Variants in B4GALT6 observed in about 807,000 individuals in gnomAD.
The protein encoded by B4GALT6 is beta-1,4-galactosyltransferase 6, also known as UDP-Gal:beta-GlcNAc beta-1,4-galactosyltransferase 6.
In B4GALT6, 14 loss-of-function variants were observed where a neutral mutation model predicts 46.3. That is an observed-to-expected ratio of 0.30 (90% confidence interval 0.20 to 0.47). B4GALT6 has a LOEUF of 0.47. Among genes scored for constraint, B4GALT6 ranks in the 20% least tolerant of loss-of-function variants. The pLI is 0.99. For missense variants in B4GALT6, 386 were observed against 480.1 expected (o/e 0.80, Z 1.83); for synonymous variants, 168 against 162.0 (o/e 1.04, Z -0.28).
At chr18:31,648,575 A>G (rs922271629) in intron 3 of B4GALT6, among the ~76,000 whole-genome samples, 1 of 152,312 alleles carries the variant, frequency 6.6e-6, no homozygotes, top group Admixed American at 6.5e-5. Flanking sequence ...TATGTAGGAC[A>G]TTTACTATAT....
At chr18:31,650,808 A>C (rs141947420) in intron 3 of B4GALT6, among the ~76,000 whole-genome samples, 1 of 152,000 alleles carries the variant, frequency 6.6e-6, no homozygotes, top group Non-Finnish European at 1.5e-5. Context: ...TCGCTCTGTC[A>C]CCCAGGCTGG....
the B4GALT6 span, among the ~76,000 whole-genome samples, chr18:31,704,107 A>T: frequency 6.6e-6 from 1 of 151,468 alleles, no homozygotes; most frequent in Non-Finnish European, 1.5e-5. Context: ...TCAAGTACAT[A>T]TAATAATAAT....
chr18:31,714,295 A>G, the B4GALT6 span, among the ~76,000 whole-genome samples: 130 of 152,316 alleles, frequency 8.5e-4, no homozygotes, highest in African/African-American at 2.4e-3. Context: ...TGGAGCAACA[A>G]AAAAATCAGA....
Position 31,631,213 on chromosome 18 carries a change from T to TTC in B4GALT6, c.589-68_589-67insGA, listed in dbSNP as rs1024141341. The TTC allele has an allele frequency of 2.4e-5, 35 of 1,466,548 alleles. No homozygotes were observed. In the African/African-American group the frequency reaches 4.3e-4, roughly 18 times the overall value. The allele number at this position is 1,466,548 out of a possible 1,614,324, so 90.8% of individuals were successfully genotyped here. A position where few individuals can be genotyped will look rare whatever the true frequency, so the allele number is the denominator to read the frequency against. On this transcript the variant is annotated intron_variant, in intron 5 of 8. Transcript: ENST00000306851. ...ACACTTCATCATCTTTTTTTTTTTT[T>TTC]TTCTTTTTTTTGGTATTTTTAGTAG...
At chr18:31,685,331 A>G (rs2074534379), upstream of B4GALT6, among the ~76,000 whole-genome samples, 1 of 151,484 alleles carries the variant, frequency 6.6e-6, no homozygotes, top group Admixed American at 6.6e-5. Context: ...CCGGAAGAGC[A>G]GAGGCCGAGC....
At chr18:31,688,579 C>T (rs145950397), upstream of B4GALT6, among the ~76,000 whole-genome samples, 371 of 152,252 alleles carry the variant, frequency 2.4e-3, 1 homozygote, top group African/African-American at 8.5e-3. Context: ...ACCCAAATTT[C>T]TTACTAATCT....
At chr18:31,706,828 A>G in the B4GALT6 span, among the ~76,000 whole-genome samples, 1 of 152,234 alleles carries the variant, frequency 6.6e-6, no homozygotes, top group Admixed American at 6.5e-5. Flanking sequence ...TAGCAGTGTC[A>G]TAAAGATAAT....
At chr18:31,714,292 A>T in the B4GALT6 span, among the ~76,000 whole-genome samples, 1 of 152,232 alleles carries the variant, frequency 6.6e-6, no homozygotes, top group Non-Finnish European at 1.5e-5. Context: ...AACTGGAGCA[A>T]CAAAAAAATC....
At chr18:31,648,451 C>T (rs577313331) in intron 3 of B4GALT6, among the ~76,000 whole-genome samples, 26 of 152,124 alleles carry the variant, frequency 1.7e-4, no homozygotes, top group Non-Finnish European at 3.1e-4. Flanking sequence ...CTGCCAAGTA[C>T]CTAGAAGGTC....
chr18:31,692,274 T>C, the B4GALT6 span, among the ~76,000 whole-genome samples: 2 of 152,192 alleles, frequency 1.3e-5, no homozygotes, highest in East Asian at 3.9e-4. Flanking sequence ...ATTTAAGAGA[T>C]GCTGGCAAAC....
the B4GALT6 span, among the ~76,000 whole-genome samples, chr18:31,699,690 G>A: frequency 6.8e-6 from 1 of 147,766 alleles, no homozygotes; most frequent in Non-Finnish European, 1.5e-5. Context: ...CTCTCAAAGT[G>A]CTAAAGGAAG....
In B4GALT6 at chr18:31,658,100, G is replaced by T; in HGVS notation, c.233-11C>A. ...TGCCTTCGGGATAATCTTGGAAAGA[G>T]AGAAAAGAGTTACAAAAAAAAAAAA... On this transcript the variant is annotated splice_polypyrimidine_tract_variant and intron_variant, in intron 2 of 8. Transcript: ENST00000306851. The T allele has an allele frequency of 1.3e-6, 2 of 1,487,126 alleles. No homozygotes were observed. The highest frequency in any genetic ancestry group is 1.8e-6 in the Non-Finnish European group (2 of 1,107,238). The allele number at this position is 1,487,126 out of a possible 1,614,324, so 92.1% of individuals were successfully genotyped here. A position where few individuals can be genotyped will look rare whatever the true frequency, so the allele number is the denominator to read the frequency against.
rs1343698423 is a variant in B4GALT6, at chr18:31,629,447, A to T, written c.776+1512T>A. On this transcript the variant is annotated intron_variant, in intron 6 of 8. Transcript: ENST00000306851. ...ATTCTTAGTTTATATGCCCTTTATG[A>T]TTTTTTTTTTTTTTTTTTTTTTTTT... is the stretch of plus-strand genomic sequence containing the variant. 1.8e-3 allele frequency among the ~76,000 whole-genome samples: 60 copies of T among 32,876 alleles called. 1 individual carries two copies. In the South Asian group the frequency reaches 0.058, roughly 32 times the overall value. 21.6% of individuals were successfully genotyped at this position (32,876 alleles called of 152,430 possible).
the B4GALT6 span, among the ~76,000 whole-genome samples, chr18:31,715,200 G>C: frequency 6.6e-6 from 1 of 151,974 alleles, no homozygotes; most frequent in Non-Finnish European, 1.5e-5. Context: ...TGTCTCCTTA[G>C]AACTGTCTTT....
intron 1 of B4GALT6, among the ~76,000 whole-genome samples, chr18:31,679,236 C>T (rs929940314): frequency 3.9e-5 from 6 of 152,204 alleles, no homozygotes; most frequent in Non-Finnish European, 7.3e-5. Context: ...AAAAGGAAGG[C>T]TAAGGTGAAA....
At chr18:31,666,106 T>A in intron 2 of B4GALT6, 150 bp downstream of exon 2, 1 of 488,432 alleles carries the variant, frequency 2.0e-6, no homozygotes, top group South Asian at 5.0e-5. Context: ...GTAACAGTCT[T>A]GATTTGCACA....
the B4GALT6 span, among the ~76,000 whole-genome samples, chr18:31,720,696 G>A: frequency 6.6e-6 from 1 of 152,144 alleles, no homozygotes; most frequent in Non-Finnish European, 1.5e-5. Context: ...GAATTGGCAC[G>A]TGTGTCACCC....
In B4GALT6 at chr18:31,625,811, G is replaced by C. The variant is rs371138643; in HGVS notation, c.1002-50C>G. 75 of 1,478,282 alleles carry C rather than the reference G, an allele frequency of 5.1e-5. No individual in the cohort carries two copies. In the African/African-American group the frequency reaches 9.2e-4, roughly 18 times the overall value. 91.6% of individuals were successfully genotyped at this position (1,478,282 alleles called of 1,614,324 possible). Reference sequence around the variant, plus strand: ...AAAAGCAACAAAACATGTTCAAAAAGGAAAACTGATAAGGACTGTGTTCAA... The same window carrying C: ...AAAAGCAACAAAACATGTTCAAAAACGAAAACTGATAAGGACTGTGTTCAA... On this transcript the variant is annotated intron_variant, in intron 8 of 8. Transcript: ENST00000306851.
Position 31,625,505 on chromosome 18 carries a change from C to T in B4GALT6, c.*109G>A, listed in dbSNP as rs879191207. The T allele has an allele frequency of 4.1e-5, 51 of 1,243,116 alleles. No homozygotes were observed. The South Asian group carries it at 5.7e-4, about 14-fold the overall frequency. The allele number at this position is 1,243,116 out of a possible 1,614,324, so 77.0% of individuals were successfully genotyped here. A position where few individuals can be genotyped will look rare whatever the true frequency, so the allele number is the denominator to read the frequency against. ...TAAACACTGTGGACTGCTGGCTCTT[C>T]TCAGAGAAAAGGGCACTGTGACACA... On this transcript the variant is annotated 3_prime_UTR_variant, in exon 9 of 9. Coordinates refer to ENST00000306851, the MANE Select transcript of B4GALT6 (RefSeq NM_004775.5).
Sources: gnomAD v4.1 joint callset for allele counts (sites outside exome capture counted in the v4.1 genomes callset) on GRCh38, gnomAD v4.1.1 for gene constraint, MANE v1.5 for transcripts, NCBI Gene and HGNC (gene_info 2026-07-23, HGNC 2026-07-21) for gene names.